Variants in CD300LF observed in about 807,000 individuals in gnomAD.
CD300LF encodes the protein CD300 molecule like family member f, also known as CMRF35-like molecule 1.
CD300LF carries 27 observed loss-of-function variants against 32.2 expected under a neutral mutation model. The ratio of observed to expected loss-of-function variants is 0.84; its 90% CI spans 0.62 to 1.15. CD300LF has a LOEUF of 1.15. Ranked by LOEUF, CD300LF falls within the 50% of genes most tolerant of loss-of-function variation. The pLI, the probability that CD300LF is intolerant of heterozygous loss-of-function variation, is 0.00. For missense variants in CD300LF, 348 were observed against 356.8 expected, an observed-to-expected ratio of 0.98 and a Z score of 0.20; for synonymous variants, 139 against 143.2, an observed-to-expected ratio of 0.97 and a Z score of 0.21.
At position 74,696,227 on chromosome 17, in the gene CD300LF, AAAC is replaced by A. The variant is rs781596519; in HGVS notation, c.560-13_560-11del. 6.2e-7 allele frequency: 1 copy of A among 1,605,966 alleles called. No homozygotes were observed. Among genetic ancestry groups the A allele is most frequent in the South Asian group, 1.1e-5 (1 of 90,070 alleles). ...GGGGACATCCCGGCTGCTAAAAGAC[AAAC>A]AACAATTCAGAATTAGAAAGCCCAT... is the stretch of plus-strand genomic sequence containing the variant. On this transcript the variant is annotated splice_polypyrimidine_tract_variant and intron_variant, in intron 4 of 6. Transcript: ENST00000326165.
At position 74,710,945 on chromosome 17, in the gene CD300LF, C is replaced by CAGG. The variant is rs10673641; in HGVS notation, c.43+1876_43+1878dup. Among the ~76,000 whole-genome samples the CAGG allele has an allele frequency of 2.2e-3, 335 of 152,062 alleles. 2 individuals are homozygous for CAGG. The highest frequency in any genetic ancestry group is 0.017 in the Middle Eastern group (5 of 292). On this transcript the variant is annotated intron_variant, in intron 1 of 6. Transcript: ENST00000326165. ...ATCCCAGCAACTCAGACGGCCAAGG[C>CAGG]AGGAGGATCACTTGAGCCCAGGAGT...
intron 3 of CD300LF, 88 bp from the exon 4 acceptor site, chr17:74,698,569 C>T: frequency 6.5e-7 from 1 of 1,530,434 alleles, no homozygotes; most frequent in Non-Finnish European, 8.8e-7. Context: ...AGGGGAGGGC[C>T]ACACACCTGA....
chr17:74,702,645 C>T (rs1403681351), intron 3 of CD300LF, among the ~76,000 whole-genome samples: 2 of 152,172 alleles, frequency 1.3e-5, no homozygotes, highest in Non-Finnish European at 2.9e-5. Flanking sequence ...GGCTCCATGA[C>T]CCCACGCCCA....
At chr17:74,696,290 A>C in intron 4 of CD300LF, 73 bp from the exon 5 acceptor site, 1 of 1,492,250 alleles carries the variant, frequency 6.7e-7, no homozygotes, top group Non-Finnish European at 9.0e-7. Context: ...GGTCTAGGGA[A>C]GAGAAATATG....
At chr17:74,710,606 C>T (rs956413166) in intron 1 of CD300LF, among the ~76,000 whole-genome samples, 1 of 151,974 alleles carries the variant, frequency 6.6e-6, no homozygotes, top group Non-Finnish European at 1.5e-5. Context: ...CGCCTGTAAT[C>T]CCAACACTTT....
Position 74,698,778 on chromosome 17 carries a change from G to A in CD300LF, c.447-297C>T, listed in dbSNP as rs145532069. Among the ~76,000 whole-genome samples, 6 of 152,252 alleles carry A rather than the reference G, an allele frequency of 3.9e-5. No homozygotes were observed. In the East Asian group the frequency reaches 1.2e-3, roughly 29 times the overall value. The stretch of plus-strand genomic sequence containing the variant: ...CTATTGGGTACTATACCTATTACCT[G>A]GGTGACAAAATAATCTGTACACAAA... On this transcript the variant is annotated intron_variant, in intron 3 of 6. Coordinates refer to ENST00000326165, the MANE Select transcript of CD300LF (RefSeq NM_139018.5).
intron 4 of CD300LF, among the ~76,000 whole-genome samples, chr17:74,696,523 G>A (rs890253837): frequency 6.6e-6 from 1 of 152,234 alleles, no homozygotes; most frequent in African/African-American, 2.4e-5. Context: ...CTGGGAGTAA[G>A]TTTGCTTCTG....
At chr17:74,708,286 TCCG>T (rs2033677090) in intron 1 of CD300LF, among the ~76,000 whole-genome samples, 1 of 152,152 alleles carries the variant, frequency 6.6e-6, no homozygotes, top group African/African-American at 2.4e-5. Flanking sequence ...GTTTAAAACT[TCCG>T]CCAGAATAAA....
At chr17:74,700,115 C>T (rs1013203538) in intron 3 of CD300LF, among the ~76,000 whole-genome samples, 6 of 151,330 alleles carry the variant, frequency 4.0e-5, no homozygotes, top group Non-Finnish European at 7.4e-5. Context: ...GCACTCCAGC[C>T]TGGTCGACAG....
rs1567780450 is a variant in CD300LF at position 74,695,101 on chromosome 17, G to T, written c.868C>A (p.Pro290Thr). 5 of 1,613,560 alleles carry T rather than the reference G, an allele frequency of 3.1e-6. No individual in the cohort carries two copies. The highest frequency in any genetic ancestry group is 4.2e-6 in the Non-Finnish European group (5 of 1,179,720). The stretch of plus-strand genomic sequence containing the variant: ...GAAGGAGCCTGGAGTGCAGGCTAAG[G>T]CCTGCTGATGGTGCTGTATTCCGTG... The part of the protein sequence containing the change: ...EPTEYSTISR[P>T] Residue 290 changes from proline (P) to threonine (T), a missense_variant, in exon 7 of 7, where the codon CCT (proline) becomes ACT (threonine). Transcript: ENST00000326165.
At chr17:74,711,458 C>T (rs1341408966) in intron 1 of CD300LF, among the ~76,000 whole-genome samples, 1 of 152,212 alleles carries the variant, frequency 6.6e-6, no homozygotes, top group East Asian at 1.9e-4. Context: ...TGCTGAAACT[C>T]GGGGCCAAGT....
chr17:74,704,853 C>T, intron 1 of CD300LF, 37 bp from the exon 2 acceptor site: 1 of 1,531,402 alleles, frequency 6.5e-7, no homozygotes, highest in South Asian at 1.2e-5. Flanking sequence ...CACCTCCCAC[C>T]CCAAGGGCAG....
Position 74,704,461 on chromosome 17 carries a change from T to C in CD300LF, c.382+17A>G, listed in dbSNP as rs1055411036. On this transcript the variant is annotated intron_variant, in intron 2 of 6. Transcript: ENST00000326165. ...GCAGGCCCTGAGAGACACACACATATATACACTCCCTCTTACCTGGGTCAA... is the reference window on the plus strand; with the variant it reads ...GCAGGCCCTGAGAGACACACACATACATACACTCCCTCTTACCTGGGTCAA... The C allele has an allele frequency of 2.5e-6, 4 of 1,577,586 alleles. 1 individual carries two copies. The highest frequency in any genetic ancestry group is 2.3e-5 in the South Asian group (2 of 87,346).
chr17:74,706,273 GAA>G (rs144675318), intron 1 of CD300LF, among the ~76,000 whole-genome samples: 182 of 137,470 alleles, frequency 1.3e-3, no homozygotes, highest in Non-Finnish European at 1.1e-3. Flanking sequence ...CATTTTAAAG[GAA>G]AAAAAAAATA....
chr17:74,695,884 G>C (rs1202630503), intron 5 of CD300LF, 25 bp from the exon 6 acceptor site: 2 of 1,607,290 alleles, frequency 1.2e-6, no homozygotes, highest in African/African-American at 2.7e-5. Flanking sequence ...ACAGGCTGGG[G>C]AGTCACAAGA....
rs866551091 is a variant in CD300LF, at chr17:74,704,306, G to T, written c.382+172C>A. The T allele has an allele frequency of 9.9e-5, 60 of 607,580 alleles. 1 individual carries two copies. The highest frequency in any genetic ancestry group is 4.5e-4 in the South Asian group (22 of 49,254). 37.6% of individuals were successfully genotyped at this position (607,580 alleles called of 1,614,324 possible). The stretch of plus-strand genomic sequence containing the variant: ...GGAGGGAGCCCTGGGAGCCATGGGG[G>T]CATTGAAGAGAGGCCCTGCTCCCCC... On this transcript the variant is annotated intron_variant, in intron 2 of 6. Coordinates refer to ENST00000326165, the MANE Select transcript of CD300LF (RefSeq NM_139018.5).
In CD300LF at chr17:74,695,868, G is replaced by A. The variant is rs1295191178; in HGVS notation, c.583-9C>T. The A allele has an allele frequency of 6.2e-7, 1 of 1,611,722 alleles. No homozygotes were observed. The highest frequency in any genetic ancestry group is 1.1e-5 in the South Asian group (1 of 90,828). ...TCCAGGGGCTGCAGTACCTGGGACA[G>A]GGAACACAGGCTGGGGAGTCACAAG... On this transcript the variant is annotated splice_polypyrimidine_tract_variant and intron_variant, in intron 5 of 6. Transcript: ENST00000326165.
At position 74,695,924 on chromosome 17, in the gene CD300LF, C is replaced by T. The variant is rs140356689; in HGVS notation, c.583-65G>A. 6.5e-5 allele frequency: 101 copies of T among 1,556,266 alleles called. No homozygotes were observed. In the East Asian group the frequency reaches 1.3e-3, roughly 21 times the overall value. ...TCTGTGGACACAGGTTCCTTTTCCA[C>T]GGTGGGACGGGACGAGAGCCTCTCC... On this transcript the variant is annotated intron_variant, in intron 5 of 6. Transcript: ENST00000326165.
chr17:74,712,639 T>C (rs1417308318), intron 1 of CD300LF, among the ~76,000 whole-genome samples, 185 bp downstream of exon 1: 1 of 152,244 alleles, frequency 6.6e-6, no homozygotes, highest in Non-Finnish European at 1.5e-5. Context: ...GGCTTCATTA[T>C]GAAGGTCATG....
Sources: gnomAD v4.1 joint callset for allele counts (sites outside exome capture counted in the v4.1 genomes callset) on GRCh38, gnomAD v4.1.1 for gene constraint, MANE v1.5 for transcripts, NCBI Gene and HGNC (gene_info 2026-07-23, HGNC 2026-07-21) for gene names.